The following SGMS1 variants were observed in gnomAD, a reference collection of about 807,000 sequenced individuals.
SGMS1 encodes sphingomyelin synthase 1.
In SGMS1, 13 loss-of-function variants were observed where a neutral mutation model predicts 46.2. The ratio of observed to expected loss-of-function variants is 0.28; its 90% confidence interval spans 0.18 to 0.45. The LOEUF (loss-of-function observed/expected upper bound fraction) is 0.45. Ranked by LOEUF, SGMS1 falls within the 20% of genes least tolerant of loss-of-function variation. The pLI, the probability that SGMS1 is intolerant of heterozygous loss-of-function variation, is 1.00. For missense variants in SGMS1, 324 were observed against 519.9 expected (o/e 0.62, Z 3.66); for synonymous variants, 203 against 187.8 (o/e 1.08, Z -0.66).
At chr10:50,328,992 T>A (rs1340879345) in intron 7 of SGMS1, among the ~76,000 whole-genome samples, 1 of 152,200 alleles carries the variant, frequency 6.6e-6, no homozygotes, top group Non-Finnish European at 1.5e-5. Context: ...AGAAATTATT[T>A]GCAATTTCAC....
At chr10:50,374,443 A>T (rs1474434161) in intron 6 of SGMS1, among the ~76,000 whole-genome samples, 2 of 46,698 alleles carry the variant, frequency 4.3e-5, no homozygotes, top group Admixed American at 1.8e-4. Flanking sequence ...CCCCACCCCC[A>T]CCCCCATTAT....
chr10:50,614,535 G>A (rs922280262), intron 1 of SGMS1, among the ~76,000 whole-genome samples: 1 of 152,234 alleles, frequency 6.6e-6, no homozygotes, highest in African/African-American at 2.4e-5. Flanking sequence ...ACAGTATCCA[G>A]GAACACATTA....
At chr10:50,416,582 G>T (rs1013563791) in intron 6 of SGMS1, among the ~76,000 whole-genome samples, 1 of 152,098 alleles carries the variant, frequency 6.6e-6, no homozygotes, top group African/African-American at 2.4e-5. Context: ...AACTGTCTCA[G>T]TGACTTGAGA....
chr10:50,321,601 C>T (rs2133300017), intron 8 of SGMS1, among the ~76,000 whole-genome samples: 1 of 152,250 alleles, frequency 6.6e-6, no homozygotes, highest in South Asian at 2.1e-4. Context: ...CAATCAGAAA[C>T]TGGAAGACCA....
At chr10:50,485,219 T>C (rs1243258646) in intron 3 of SGMS1, among the ~76,000 whole-genome samples, 2 of 152,156 alleles carry the variant, frequency 1.3e-5, no homozygotes, top group Non-Finnish European at 2.9e-5. Flanking sequence ...AAAATCAATG[T>C]CTAAAAGTCG....
At chr10:50,602,447 G>C (rs181114523) in intron 1 of SGMS1, among the ~76,000 whole-genome samples, 95 of 152,316 alleles carry the variant, frequency 6.2e-4, no homozygotes, top group African/African-American at 2.1e-3. Flanking sequence ...GCTGAACCAA[G>C]CATGATACTT....
chr10:50,466,930 A>G lies in SGMS1; in HGVS notation c.-495T>C, dbSNP rs1837335208. The G allele has an allele frequency of 6.6e-6, 1 of 152,232 alleles. No homozygotes were observed. The highest frequency in any genetic ancestry group is 1.5e-5 in the Non-Finnish European group (1 of 67,990). 9.4% of individuals were successfully genotyped at this position (152,232 alleles called of 1,614,324 possible). On this transcript the variant is annotated splice_region_variant and 5_prime_UTR_variant, in exon 4 of 11. Coordinates refer to ENST00000361781, the MANE Select transcript of SGMS1 (RefSeq NM_147156.4). Reference sequence around the variant, plus strand: ...ATTTTTCTTCATCAGTCTTCTTTCCAATCTAGAAGAAGTAATAAGTAAATT... The same window carrying G: ...ATTTTTCTTCATCAGTCTTCTTTCCGATCTAGAAGAAGTAATAAGTAAATT...
intron 2 of SGMS1, among the ~76,000 whole-genome samples, chr10:50,582,375 G>A (rs1838442937): frequency 1.3e-5 from 2 of 152,152 alleles, no homozygotes; most frequent in Admixed American, 1.3e-4. Flanking sequence ...ACAACTGTGG[G>A]AAAATATTCC....
intron 7 of SGMS1, among the ~76,000 whole-genome samples, chr10:50,333,854 C>T (rs946930541): frequency 6.6e-6 from 1 of 152,168 alleles, no homozygotes; most frequent in Non-Finnish European, 1.5e-5. Flanking sequence ...TGTGTCTGTA[C>T]ATATACTATG....
chr10:50,619,375 T>C (rs914144947), intron 1 of SGMS1, among the ~76,000 whole-genome samples: 1 of 152,102 alleles, frequency 6.6e-6, no homozygotes, highest in African/African-American at 2.4e-5. Flanking sequence ...ATTTCCATAA[T>C]AAAAAGCTCT....
intron 2 of SGMS1, among the ~76,000 whole-genome samples, chr10:50,522,013 G>A (rs959463271): frequency 6.6e-6 from 1 of 152,080 alleles, no homozygotes; most frequent in Non-Finnish European, 1.5e-5. Flanking sequence ...CATTAGTGAT[G>A]TCTGCCTGAT....
chr10:50,484,240 A>G (rs994981342), intron 3 of SGMS1, among the ~76,000 whole-genome samples: 9 of 152,174 alleles, frequency 5.9e-5, no homozygotes, highest in Non-Finnish European at 1.2e-4. Flanking sequence ...AGAAATACAA[A>G]CAACCATCAG....
At chr10:50,541,054 A>C (rs1412328034) in intron 2 of SGMS1, among the ~76,000 whole-genome samples, 1 of 152,206 alleles carries the variant, frequency 6.6e-6, no homozygotes, top group Non-Finnish European at 1.5e-5. Flanking sequence ...GAAGTGCTTC[A>C]GATACATTCA....
intron 6 of SGMS1, among the ~76,000 whole-genome samples, chr10:50,350,296 G>A (rs1322280231): frequency 3.3e-5 from 5 of 152,136 alleles, no homozygotes; most frequent in Non-Finnish European, 5.9e-5. Flanking sequence ...ATGTAACCTG[G>A]GTGCTGTTAA....
intron 5 of SGMS1, among the ~76,000 whole-genome samples, chr10:50,458,006 A>C (rs1837214088): frequency 6.6e-6 from 1 of 152,208 alleles, no homozygotes; most frequent in East Asian, 1.9e-4. Context: ...CATGGTAAGC[A>C]CTGGGTGGGA....
intron 2 of SGMS1, among the ~76,000 whole-genome samples, chr10:50,553,556 A>G (rs1838166698): frequency 6.6e-6 from 1 of 152,156 alleles, no homozygotes; most frequent in Admixed American, 6.5e-5. Context: ...TTCTATTTTC[A>G]GTTTGACAAA....
At chr10:50,558,834 T>C (rs1838209932) in intron 2 of SGMS1, among the ~76,000 whole-genome samples, 1 of 152,190 alleles carries the variant, frequency 6.6e-6, no homozygotes, top group Non-Finnish European at 1.5e-5. Context: ...TTCTCTAGCT[T>C]ACCTACTGTA....
chr10:50,519,261 T>C (rs1035109013), intron 3 of SGMS1, among the ~76,000 whole-genome samples: 1 of 152,178 alleles, frequency 6.6e-6, no homozygotes, highest in Non-Finnish European at 1.5e-5. Context: ...ACGATAACAC[T>C]AGAGACACTG....
chr10:50,586,075 T>C (rs1838481365), intron 2 of SGMS1, among the ~76,000 whole-genome samples: 1 of 152,248 alleles, frequency 6.6e-6, no homozygotes, highest in African/African-American at 2.4e-5. Flanking sequence ...TCTGCAGTTA[T>C]AGCAAAATAT....
Sources: gnomAD v4.1 joint callset for allele counts (sites outside exome capture counted in the v4.1 genomes callset) on GRCh38, gnomAD v4.1.1 for gene constraint, MANE v1.5 for transcripts, NCBI Gene and HGNC (gene_info 2026-07-23, HGNC 2026-07-21) for gene names.